ANO10: variants seen among roughly 807,000 people sequenced by gnomAD.
The protein encoded by ANO10 is anoctamin-10.
Under a neutral mutation model 74.7 loss-of-function variants are expected in ANO10, and 77 were observed. The observed-to-expected ratio is 1.03, with a 90% confidence interval of 0.86 to 1.25. ANO10 has a LOEUF of 1.25. Among genes scored for constraint, ANO10 ranks in the 50% most tolerant of loss-of-function variants. The probability of loss-of-function intolerance (pLI) is 0.00; values close to 1 mark genes in which losing one functional copy is unlikely to be tolerated. For synonymous variants in ANO10, 279 were observed against 284.9 expected (o/e 0.98, Z 0.21); for missense variants, 721 against 778.1 (o/e 0.93, Z 0.87).
At chr3:43,517,631 T>C (rs1468895409) in intron 11 of ANO10, among the ~76,000 whole-genome samples, 1 of 152,126 alleles carries the variant, frequency 6.6e-6, no homozygotes, top group Non-Finnish European at 1.5e-5. Context: ...ATCTAAAAGC[T>C]AGGAAAAAAG....
At chr3:43,534,978 C>CTTT (rs576349934) in intron 11 of ANO10, among the ~76,000 whole-genome samples, 1 of 144,130 alleles carries the variant, frequency 6.9e-6, no homozygotes. Context: ...AGATTTTTTT[C>CTTT]TTTTTTTTTT....
At chr3:43,440,437 C>A (rs2093142122) in intron 11 of ANO10, among the ~76,000 whole-genome samples, 1 of 151,944 alleles carries the variant, frequency 6.6e-6, no homozygotes, top group Non-Finnish European at 1.5e-5. Flanking sequence ...CTTTAATTAA[C>A]AAACTGTTAT....
intron 11 of ANO10, among the ~76,000 whole-genome samples, chr3:43,519,161 C>G (rs916099090): frequency 3.3e-5 from 5 of 152,124 alleles, no homozygotes. Flanking sequence ...AAAGAACCTA[C>G]GTTGAAATAT....
intron 7 of ANO10, among the ~76,000 whole-genome samples, chr3:43,568,871 C>G (rs1265248960): frequency 1.3e-5 from 2 of 149,816 alleles, no homozygotes; most frequent in African/African-American, 5.0e-5. Flanking sequence ...CACAAAAAAC[C>G]CTTCAAAAAA....
At chr3:43,509,110 T>G (rs1207043099) in intron 11 of ANO10, among the ~76,000 whole-genome samples, 1 of 151,402 alleles carries the variant, frequency 6.6e-6, no homozygotes, top group Non-Finnish European at 1.5e-5. Flanking sequence ...GAGCAAACTA[T>G]TGCAAGGACA....
intron 11 of ANO10, among the ~76,000 whole-genome samples, chr3:43,482,192 T>C (rs1274326806): frequency 6.6e-6 from 1 of 152,070 alleles, no homozygotes; most frequent in Non-Finnish European, 1.5e-5. Context: ...CCTCCCAAAG[T>C]GCTGGGATTA....
intron 1 of ANO10, among the ~76,000 whole-genome samples, chr3:43,670,358 T>TAAATAA (rs1294176419): frequency 9.7e-6 from 1 of 103,562 alleles, no homozygotes; most frequent in African/African-American, 3.6e-5. Context: ...ATAAATAAAA[T>TAAATAA]AATAAATCTG....
intron 11 of ANO10, among the ~76,000 whole-genome samples, chr3:43,491,818 GGTTT>G (rs1271795308): frequency 4.6e-5 from 7 of 151,932 alleles, no homozygotes; most frequent in Admixed American, 4.6e-4. Context: ...AATATAACAT[GGTTT>G]ATTTCAGGAA....
intron 11 of ANO10, among the ~76,000 whole-genome samples, chr3:43,496,603 T>G (rs1302512845): frequency 6.6e-6 from 1 of 152,004 alleles, no homozygotes; most frequent in Non-Finnish European, 1.5e-5. Flanking sequence ...CCTGCTAATT[T>G]ACATATATAT....
intron 11 of ANO10, among the ~76,000 whole-genome samples, chr3:43,521,153 C>A (rs1405390221): frequency 6.6e-6 from 1 of 152,144 alleles, no homozygotes; most frequent in Non-Finnish European, 1.5e-5. Context: ...TTATCTACTT[C>A]CCTTGGCTAG....
chr3:43,428,830 A>ATTTCAGATT (rs2092939358), intron 12 of ANO10, among the ~76,000 whole-genome samples: 1 of 145,508 alleles, frequency 6.9e-6, no homozygotes, highest in African/African-American at 2.5e-5. Flanking sequence ...TCATTGAAGC[A>ATTTCAGATT]TTTCAGATTT....
At chr3:43,578,255 T>G in intron 5 of ANO10, among the ~76,000 whole-genome samples, 1 of 152,082 alleles carries the variant, frequency 6.6e-6, no homozygotes, top group East Asian at 1.9e-4. Context: ...TTAAAGAACA[T>G]CCGATCATTT....
At chr3:43,621,598 C>T (rs2083395134) in intron 1 of ANO10, among the ~76,000 whole-genome samples, 1 of 152,184 alleles carries the variant, frequency 6.6e-6, no homozygotes, top group African/African-American at 2.4e-5. Context: ...CCCCAAATTT[C>T]CGCCTCACCG....
chr3:43,683,878 T>C (rs1003552185), intron 1 of ANO10, among the ~76,000 whole-genome samples: 20 of 152,320 alleles, frequency 1.3e-4, no homozygotes, highest in South Asian at 2.1e-4. Context: ...GCTAGCCATA[T>C]GTAGAAAGCT....
At chr3:43,430,541 CCTT>C (rs1174841715) in intron 12 of ANO10, among the ~76,000 whole-genome samples, 3 of 151,908 alleles carry the variant, frequency 2.0e-5, no homozygotes, top group Non-Finnish European at 4.4e-5. Context: ...AACAAATAAT[CCTT>C]CTTTTTTCCA....
At chr3:43,516,695 T>C (rs1559638469) in intron 11 of ANO10, among the ~76,000 whole-genome samples, 1 of 152,150 alleles carries the variant, frequency 6.6e-6, no homozygotes, top group Admixed American at 6.6e-5. Flanking sequence ...GCAAGGCTGA[T>C]AGCACCTTAG....
At chr3:43,409,904 C>T (rs1026233246) in intron 12 of ANO10, among the ~76,000 whole-genome samples, 1 of 152,146 alleles carries the variant, frequency 6.6e-6, no homozygotes, top group Non-Finnish European at 1.5e-5. Flanking sequence ...TTTTATATTA[C>T]ATTTGAATAT....
intron 11 of ANO10, among the ~76,000 whole-genome samples, chr3:43,535,376 A>G (rs986397933): frequency 1.3e-4 from 20 of 151,504 alleles, no homozygotes; most frequent in South Asian, 4.2e-4. Flanking sequence ...CCAGGGTTCA[A>G]GCGATTCTCC....
Position 43,604,966 on chromosome 3 carries a change from GT to G in ANO10, c.139+747del, listed in dbSNP as rs199744720. On this transcript the variant is annotated intron_variant, in intron 2 of 12. Transcript: ENST00000292246. ...GAAATAACTTCAGTTTATAGTAACA[GT>G]TTTTTTTTTAAAGAGTCTAAGTCTA... Among the ~76,000 whole-genome samples the G allele has an allele frequency of 5.0e-3, 741 of 149,482 alleles. 6 individuals are homozygous for G. Among genetic ancestry groups the G allele is most frequent in the African/African-American group, 0.016 (639 of 40,776 alleles).
Sources: allele counts gnomAD v4.1 joint callset (sites outside exome capture counted in the v4.1 genomes callset), GRCh38; gene constraint gnomAD v4.1.1; transcripts MANE v1.5; gene names NCBI Gene and HGNC (gene_info 2026-07-23, HGNC 2026-07-21).